The following DCC variants were observed in gnomAD, a reference collection of about 807,000 sequenced individuals.
The protein encoded by DCC is netrin receptor DCC.
In DCC, 58 loss-of-function variants were observed where a neutral mutation model predicts 172.5. That is an observed-to-expected ratio of 0.34 (90% confidence interval 0.27 to 0.42). The LOEUF is 0.42. Ranked by LOEUF, DCC falls within the 10% of genes least tolerant of loss-of-function variation. The pLI, the probability that DCC is intolerant of heterozygous loss-of-function variation, is 1.00. For missense variants in DCC, 1,740 were observed against 1,791.0 expected, an observed-to-expected ratio of 0.97 and a Z score of 0.51; for synonymous variants, 709 against 644.5, an observed-to-expected ratio of 1.10 and a Z score of -1.52.
chr18:53,304,771 T>G (rs1440885105), intron 12 of DCC, among the ~76,000 whole-genome samples: 2 of 152,172 alleles, frequency 1.3e-5, no homozygotes, highest in Admixed American at 6.6e-5. Flanking sequence ...TTGATGTGCT[T>G]TTCATTGCCT....
chr18:53,025,851 G>A (rs929801347), intron 5 of DCC, among the ~76,000 whole-genome samples: 2 of 149,084 alleles, frequency 1.3e-5, no homozygotes, highest in Non-Finnish European at 3.0e-5. Flanking sequence ...CCATATCTGA[G>A]GGTATTAAAC....
intron 12 of DCC, among the ~76,000 whole-genome samples, chr18:53,271,024 C>T (rs879798911): frequency 1.3e-5 from 2 of 152,136 alleles, no homozygotes; most frequent in Non-Finnish European, 2.9e-5. Flanking sequence ...TGGAGCATAG[C>T]TATTACATAG....
At chr18:53,130,804 C>T (rs921952357) in intron 7 of DCC, among the ~76,000 whole-genome samples, 7 of 152,106 alleles carry the variant, frequency 4.6e-5, no homozygotes, top group Admixed American at 1.3e-4. Context: ...CTTCTCTTCA[C>T]ATTCCATAAT....
intron 5 of DCC, among the ~76,000 whole-genome samples, chr18:52,937,622 T>A (rs984206698): frequency 6.6e-6 from 1 of 152,096 alleles, no homozygotes; most frequent in Non-Finnish European, 1.5e-5. Context: ...TATCTGGGGC[T>A]ACAGGTGCAC....
chr18:52,873,073 C>T (rs768447899), intron 2 of DCC, among the ~76,000 whole-genome samples: 1 of 152,172 alleles, frequency 6.6e-6, no homozygotes, highest in Non-Finnish European at 1.5e-5. Flanking sequence ...AATTTGAAAT[C>T]GGTCACAGGC....
intron 2 of DCC, among the ~76,000 whole-genome samples, chr18:52,795,971 C>T (rs1396427434): frequency 6.6e-6 from 1 of 151,480 alleles, no homozygotes; most frequent in African/African-American, 2.4e-5. Context: ...TATTCTATTG[C>T]TATATCCTCC....
intron 1 of DCC, among the ~76,000 whole-genome samples, chr18:52,714,119 G>A (rs971859140): frequency 6.6e-5 from 10 of 152,150 alleles, no homozygotes; most frequent in South Asian, 4.2e-4. Flanking sequence ...TATGACTATC[G>A]CTAACCTACT....
chr18:53,330,145 T>G (rs2057514256), intron 14 of DCC, among the ~76,000 whole-genome samples: 1 of 152,208 alleles, frequency 6.6e-6, no homozygotes. Context: ...GTAAGGATTT[T>G]GTCATCATTT....
chr18:52,971,247 A>T (rs192769215), intron 5 of DCC, among the ~76,000 whole-genome samples: 73 of 152,218 alleles, frequency 4.8e-4, no homozygotes, highest in Middle Eastern at 3.4e-3. Context: ...CTGATTGATT[A>T]GTCATCATAT....
At chr18:53,003,222 C>CT (rs5824984) in intron 5 of DCC, among the ~76,000 whole-genome samples, 69,641 of 151,864 alleles carry the variant, frequency 0.46, 16,885 homozygotes, top group Non-Finnish European at 0.55. Flanking sequence ...CCCTGAATGA[C>CT]TAATTAGAAG....
chr18:53,199,085 T>G (rs1009724273), intron 9 of DCC, among the ~76,000 whole-genome samples: 1 of 151,556 alleles, frequency 6.6e-6, no homozygotes, highest in African/African-American at 2.4e-5. Context: ...TTTTCTTTTT[T>G]TTTTTTTTGA....
At chr18:53,316,304 T>C (rs2057343145) in intron 13 of DCC, among the ~76,000 whole-genome samples, 1 of 152,180 alleles carries the variant, frequency 6.6e-6, no homozygotes, top group South Asian at 2.1e-4. Flanking sequence ...TTCTGTTCCT[T>C]TGCTCTATAT....
chr18:53,047,978 CA>C (rs1240283406), intron 5 of DCC, among the ~76,000 whole-genome samples: 1 of 150,672 alleles, frequency 6.6e-6, no homozygotes, highest in Non-Finnish European at 1.5e-5. Flanking sequence ...AATAATATGC[CA>C]GCCACTCTTA....
chr18:53,528,115 G>T (rs985257745), intron 28 of DCC, among the ~76,000 whole-genome samples: 9 of 151,874 alleles, frequency 5.9e-5, no homozygotes, highest in Non-Finnish European at 8.8e-5. Flanking sequence ...GCAACTACCA[G>T]GTCTTTTATA....
rs560296400 is a variant in DCC, at chr18:52,693,987, C to A, written c.92-58067C>A. The stretch of plus-strand genomic sequence containing the variant: ...AGTGACTCATATGCAAACAATAGAG[C>A]ATGGAAAGGGGATAAAACAGTAACA... On this transcript the variant is annotated intron_variant, in intron 1 of 28. Coordinates refer to ENST00000442544, the MANE Select transcript of DCC (RefSeq NM_005215.4). 5.9e-5 allele frequency among the ~76,000 whole-genome samples: 9 copies of A among 152,076 alleles called. No individual in the cohort carries two copies. The East Asian group carries it at 1.6e-3, about 26-fold the overall frequency.
chr18:53,220,875 G>C (rs919358979), intron 12 of DCC, among the ~76,000 whole-genome samples: 3 of 152,096 alleles, frequency 2.0e-5, no homozygotes, highest in African/African-American at 7.2e-5. Flanking sequence ...AGGGTGGGGA[G>C]TAGGAGCATA....
chr18:53,350,383 A>C (rs916783785), intron 15 of DCC, among the ~76,000 whole-genome samples: 1 of 152,224 alleles, frequency 6.6e-6, no homozygotes, highest in African/African-American at 2.4e-5. Context: ...GTACATAAAT[A>C]ACATAGGTTA....
chr18:53,199,407 T>C (rs2055500383), intron 9 of DCC, among the ~76,000 whole-genome samples: 1 of 152,110 alleles, frequency 6.6e-6, no homozygotes, highest in Non-Finnish European at 1.5e-5. Flanking sequence ...TTGAACATTT[T>C]TGAGTCTCCC....
chr18:53,152,624 C>T (rs190559867), intron 7 of DCC, among the ~76,000 whole-genome samples: 10 of 152,190 alleles, frequency 6.6e-5, no homozygotes, highest in Admixed American at 3.9e-4. Flanking sequence ...AATTCACCTC[C>T]TCTTCTCCAT....
Sources: allele counts gnomAD v4.1 joint callset (sites outside exome capture counted in the v4.1 genomes callset), GRCh38; gene constraint gnomAD v4.1.1; transcripts MANE v1.5; gene names NCBI Gene and HGNC (gene_info 2026-07-23, HGNC 2026-07-21).